The following GREB1L variants were observed in gnomAD, a reference collection of about 807,000 sequenced individuals.
GREB1L encodes GREB1 like retinoic acid receptor coactivator, also known as GREB1-like protein.
In GREB1L, 17 loss-of-function variants were observed where a neutral mutation model predicts 200.8. The observed-to-expected ratio is 0.08, with a 90% CI of 0.06 to 0.13. The LOEUF is 0.13. Ranked by LOEUF, GREB1L falls within the 10% of genes least tolerant of loss-of-function variation. The pLI, the probability that GREB1L is intolerant of heterozygous loss-of-function variation, is 1.00. For missense variants in GREB1L, 1,657 were observed against 2,367.7 expected, an observed-to-expected ratio of 0.70 and a Z score of 6.23; for synonymous variants, 789 against 893.0, an observed-to-expected ratio of 0.88 and a Z score of 2.08.
At chr18:21,359,690 T>C (rs1278649214) in intron 1 of GREB1L, among the ~76,000 whole-genome samples, 1 of 152,196 alleles carries the variant, frequency 6.6e-6, no homozygotes, top group Admixed American at 6.5e-5. Context: ...TGCTTCTTCT[T>C]TGAGGTCTAA....
chr18:21,496,429 C>T (rs1199409832), intron 20 of GREB1L, 25 bp from the exon 21 acceptor site: 9 of 1,551,104 alleles, frequency 5.8e-6, no homozygotes, highest in Non-Finnish European at 7.8e-6. Context: ...ATAGACTCAC[C>T]AACAACACAA....
chr18:21,464,609 A>G (rs1331251441), intron 15 of GREB1L, among the ~76,000 whole-genome samples: 1 of 151,830 alleles, frequency 6.6e-6, no homozygotes, highest in African/African-American at 2.4e-5. Flanking sequence ...CATCCCATGG[A>G]TCAAAAGCTA....
chr18:21,393,578 G>T (rs1478720368), intron 4 of GREB1L, among the ~76,000 whole-genome samples: 1 of 152,152 alleles, frequency 6.6e-6, no homozygotes, highest in Non-Finnish European at 1.5e-5. Context: ...ACAGGTGCCT[G>T]CCACCATGTC....
At chr18:21,280,965 T>C (rs1271225195) in intron 1 of GREB1L, among the ~76,000 whole-genome samples, 1 of 152,042 alleles carries the variant, frequency 6.6e-6, no homozygotes, top group African/African-American at 2.4e-5. Flanking sequence ...GGGAGCTGAG[T>C]TGGAAAAGAG....
chr18:21,388,533 C>CTTT (rs768141691), intron 4 of GREB1L, among the ~76,000 whole-genome samples: 7 of 74,650 alleles, frequency 9.4e-5, no homozygotes, highest in African/African-American at 2.0e-4. Context: ...CCTTAGGTTC[C>CTTT]TTTTTTTTTT....
rs980995493 is a variant in GREB1L, at chr18:21,525,140, T to C, written c.*2319T>C. On this transcript the variant is annotated 3_prime_UTR_variant, in exon 33 of 33. Coordinates refer to ENST00000424526, the MANE Select transcript of GREB1L (RefSeq NM_001142966.3). ...TGTAGACCTGCTGAACCTCAGCATG[T>C]ATGACAGTTCACACAGGTTAATACT... 7.2e-5 allele frequency: 11 copies of C among 152,130 alleles called. No homozygotes were observed. Among genetic ancestry groups the C allele is most frequent in the African/African-American group, 2.7e-4 (11 of 41,440 alleles). 9.4% of individuals were successfully genotyped at this position (152,130 alleles called of 1,614,324 possible).
intron 1 of GREB1L, among the ~76,000 whole-genome samples, chr18:21,345,843 G>A (rs1212641295): frequency 6.8e-6 from 1 of 147,344 alleles, no homozygotes; most frequent in Non-Finnish European, 1.5e-5. Context: ...TTGCACTCCA[G>A]CCTTGGGGAC....
In GREB1L at chr18:21,490,120, A is replaced by G. The variant is rs201325892; in HGVS notation, c.2799A>G (p.Thr933=). Residue 933 remains threonine (T), a synonymous_variant, in exon 19 of 33, where the codon ACA becomes ACG. Transcript: ENST00000424526. ...TGGCGTCACTCCGCGACCACAGCACACCAGAAACACTCAGCATTATGGATG... is the reference window on the plus strand; with the variant it reads ...TGGCGTCACTCCGCGACCACAGCACGCCAGAAACACTCAGCATTATGGATG... ...TTMASLRDHS[T]PETLSIMDDL... The G allele has an allele frequency of 1.5e-3, 2,399 of 1,551,878 alleles. 2 individuals are homozygous for G. The highest frequency in any genetic ancestry group is 1.9e-3 in the Non-Finnish European group (2,198 of 1,147,028).
At position 21,518,054 on chromosome 18, in the gene GREB1L, C is replaced by T; in HGVS notation, c.5292C>T (p.Pro1764=). ...PKIMVSESLA[P]ILPLQYICAP... ...TTCAGGTGTCAGAGAGCTTAGCACCCATCTTGCCCCTTCAATACATCTGTG... is the reference window on the plus strand; with the variant it reads ...TTCAGGTGTCAGAGAGCTTAGCACCTATCTTGCCCCTTCAATACATCTGTG... Residue 1764 remains proline, a synonymous_variant, in exon 31 of 33, where the codon CCC becomes CCT. Transcript: ENST00000424526. The T allele has an allele frequency of 6.4e-7, 1 of 1,551,490 alleles. No homozygotes were observed. Among genetic ancestry groups the T allele is most frequent in the South Asian group, 1.2e-5 (1 of 84,054 alleles).
chr18:21,329,230 C>T (rs1168370767), intron 1 of GREB1L, among the ~76,000 whole-genome samples: 4 of 150,060 alleles, frequency 2.7e-5, no homozygotes, highest in Non-Finnish European at 5.9e-5. Context: ...GAGGCTGAGG[C>T]ACGAGAATGG....
intron 7 of GREB1L, among the ~76,000 whole-genome samples, chr18:21,423,883 G>A (rs1346295586): frequency 6.6e-6 from 1 of 152,046 alleles, no homozygotes; most frequent in East Asian, 1.9e-4. Flanking sequence ...CGAGGCTCGG[G>A]AGGCTGGGAC....
chr18:21,326,151 T>C (rs1334995800), intron 1 of GREB1L, among the ~76,000 whole-genome samples: 4 of 152,180 alleles, frequency 2.6e-5, no homozygotes, highest in African/African-American at 9.7e-5. Flanking sequence ...CATAGTTGTT[T>C]TTAGCATATG....
chr18:21,410,405 C>T (rs1439730151), intron 7 of GREB1L, among the ~76,000 whole-genome samples: 1 of 151,980 alleles, frequency 6.6e-6, no homozygotes, highest in East Asian at 1.9e-4. Flanking sequence ...CCTGTAATCC[C>T]AGCACTTTGG....
intron 15 of GREB1L, among the ~76,000 whole-genome samples, chr18:21,463,737 T>C (rs1217057013): frequency 3.3e-5 from 5 of 152,086 alleles, no homozygotes. Context: ...GCCACCACAC[T>C]TGGCTAATTT....
chr18:21,302,533 T>C lies in GREB1L; in HGVS notation c.-120+60140T>C, dbSNP rs192800730. ...TTAATATCAGATTATTTCAGGTTACTGTTTTGTAAGGGTTAAAGCAGAAGG... is the reference window on the plus strand; with the variant it reads ...TTAATATCAGATTATTTCAGGTTACCGTTTTGTAAGGGTTAAAGCAGAAGG... On this transcript the variant is annotated intron_variant, in intron 1 of 32. Transcript: ENST00000424526. 2.8e-3 allele frequency among the ~76,000 whole-genome samples: 423 copies of C among 152,290 alleles called. 1 individual carries two copies. Among genetic ancestry groups the C allele is most frequent in the African/African-American group, 9.8e-3 (408 of 41,550 alleles).
In GREB1L at chr18:21,523,650, AC is replaced by A. The variant is rs1336938521; in HGVS notation, c.*832del. The A allele has an allele frequency of 1.3e-5, 2 of 152,238 alleles. No individual in the cohort carries two copies. The highest frequency in any genetic ancestry group is 2.9e-5 in the Non-Finnish European group (2 of 68,048). 9.4% of individuals were successfully genotyped at this position (152,238 alleles called of 1,614,324 possible). On this transcript the variant is annotated 3_prime_UTR_variant, in exon 33 of 33. Transcript: ENST00000424526. Reference sequence around the variant, plus strand: ...AAGAAGCTTTCAGCAGGTAACCTGCACCCACCGTTTGGTTGGAATTAAGCAG... The same window carrying A: ...AAGAAGCTTTCAGCAGGTAACCTGCACCACCGTTTGGTTGGAATTAAGCAG...
chr18:21,520,772 C>T lies in GREB1L; in HGVS notation c.5557C>T (p.Leu1853Phe), dbSNP rs1331271769. Residue 1853 changes from leucine (L) to phenylalanine (F), a missense_variant, in exon 32 of 33, where the codon CTC becomes TTC. By Grantham distance (22) the Leu-to-Phe change is conservative (BLOSUM62 0). Around this residue, in one of 9 missense-constraint regions of GREB1L, gnomAD observed 190 missense variants for 230.2 expected, o/e 0.83. Transcript: ENST00000424526. The part of the protein sequence containing the change: ...GVFFSGLLLY[L>F]CDSFVGADLK... ...GTTTTTCAGTGGACTCCTTTTGTACCTCTGTGACTCTTTTGTAGGTGCTGA... is the reference window on the plus strand; with the variant it reads ...GTTTTTCAGTGGACTCCTTTTGTACTTCTGTGACTCTTTTGTAGGTGCTGA... 7 of 1,520,854 alleles carry T rather than the reference C, an allele frequency of 4.6e-6. No homozygotes were observed. Among genetic ancestry groups the T allele is most frequent in the Non-Finnish European group, 6.2e-6 (7 of 1,137,448 alleles). 94.2% of individuals were successfully genotyped at this position (1,520,854 alleles called of 1,614,324 possible).
At chr18:21,364,941 A>G (rs2039642322) in intron 1 of GREB1L, among the ~76,000 whole-genome samples, 1 of 151,496 alleles carries the variant, frequency 6.6e-6, no homozygotes, top group Non-Finnish European at 1.5e-5. Context: ...TTGGGTTTGG[A>G]TGTAGGTAGC....
chr18:21,502,599 A>G (rs1445611830), intron 23 of GREB1L, among the ~76,000 whole-genome samples: 1 of 152,120 alleles, frequency 6.6e-6, no homozygotes, highest in Non-Finnish European at 1.5e-5. Context: ...ATCAATTCAC[A>G]TACATGTTTT....
Sources: gnomAD v4.1 joint callset for allele counts (sites outside exome capture counted in the v4.1 genomes callset) on GRCh38, gnomAD v4.1.1 for gene constraint, gnomAD v4.1.1 regional missense constraint, MANE v1.5 for transcripts, NCBI Gene and HGNC (gene_info 2026-07-23, HGNC 2026-07-21) for gene names.